The following ZDHHC2 variants were observed in gnomAD, a reference collection of about 807,000 sequenced individuals.
ZDHHC2 encodes palmitoyltransferase ZDHHC2.
In ZDHHC2, 51 loss-of-function variants were observed where a neutral mutation model predicts 55.6. The ratio of observed to expected loss-of-function variants is 0.92; its 90% confidence interval spans 0.73 to 1.16. The LOEUF is 1.16. ZDHHC2 is among the 50% of genes most tolerant of loss of function. ZDHHC2 has a pLI of 0.00. For synonymous variants in ZDHHC2, 199 were observed against 152.9 expected, an observed-to-expected ratio of 1.30 and a Z score of -2.22; for missense variants, 491 against 442.4, an observed-to-expected ratio of 1.11 and a Z score of -0.99.
intron 6 of ZDHHC2, 62 bp from the exon 7 acceptor site, chr8:17,205,593 G>A: frequency 6.7e-7 from 1 of 1,482,408 alleles, no homozygotes. Flanking sequence ...ACTTGCTTGA[G>A]CATATGCACA....
intron 1 of ZDHHC2, among the ~76,000 whole-genome samples, chr8:17,164,453 C>T (rs1387113732): frequency 6.6e-6 from 1 of 151,996 alleles, no homozygotes; most frequent in African/African-American, 2.4e-5. Flanking sequence ...TTCCTGGTAT[C>T]CTGAAGTTTC....
At chr8:17,192,243 C>T (rs986362963) in intron 3 of ZDHHC2, among the ~76,000 whole-genome samples, 8 of 152,196 alleles carry the variant, frequency 5.3e-5, no homozygotes, top group Admixed American at 3.3e-4. Context: ...GCTTTGGCCT[C>T]CCAAAGTGCT....
chr8:17,206,040 G>C (rs1278974650), intron 7 of ZDHHC2, among the ~76,000 whole-genome samples: 1 of 152,146 alleles, frequency 6.6e-6, no homozygotes, highest in African/African-American at 2.4e-5. Context: ...TCCCAGTTGA[G>C]GTTGAACAAG....
chr8:17,189,250 C>G (rs185010619), intron 3 of ZDHHC2, among the ~76,000 whole-genome samples: 281 of 150,212 alleles, frequency 1.9e-3, no homozygotes, highest in Middle Eastern at 6.8e-3. Flanking sequence ...GGTACCTTAT[C>G]ATTGAGGCTG....
intron 1 of ZDHHC2, among the ~76,000 whole-genome samples, chr8:17,183,378 G>T (rs1463067381): frequency 1.3e-5 from 2 of 152,184 alleles, no homozygotes; most frequent in South Asian, 4.1e-4. Context: ...AAACAGGCTT[G>T]CCTCAAGCCT....
At chr8:17,199,391 C>G (rs1431117000) in intron 6 of ZDHHC2, among the ~76,000 whole-genome samples, 1 of 149,948 alleles carries the variant, frequency 6.7e-6, no homozygotes, top group African/African-American at 2.5e-5. Flanking sequence ...CATTCTTTTG[C>G]CCCCCTGCCC....
rs562679173 is a variant in ZDHHC2 at position 17,217,478 on chromosome 8, A to G, written c.*34+232A>G. Among the ~76,000 whole-genome samples, 3 of 152,322 alleles carry G rather than the reference A, an allele frequency of 2.0e-5. 1 individual carries two copies. The South Asian group carries it at 6.2e-4, about 32-fold the overall frequency. On this transcript the variant is annotated intron_variant, in intron 12 of 12. Coordinates refer to ENST00000262096, the MANE Select transcript of ZDHHC2 (RefSeq NM_016353.5). ...TAATTATATAAATAAGTTGATGAAC[A>G]AGAGTCATTTTATATTAATGCATTA... is the stretch of plus-strand genomic sequence containing the variant.
At chr8:17,203,292 G>T (rs1361517863) in intron 6 of ZDHHC2, among the ~76,000 whole-genome samples, 2 of 152,018 alleles carry the variant, frequency 1.3e-5, no homozygotes, top group African/African-American at 2.4e-5. Context: ...TGTCGCCCAG[G>T]CTGGAGTGCA....
intron 11 of ZDHHC2, among the ~76,000 whole-genome samples, chr8:17,216,518 C>G (rs1423620049): frequency 6.6e-6 from 1 of 152,114 alleles, no homozygotes; most frequent in African/African-American, 2.4e-5. Flanking sequence ...GTTGATGACA[C>G]TGATTTGTTC....
chr8:17,163,065 G>A (rs1372460109), intron 1 of ZDHHC2, among the ~76,000 whole-genome samples: 2 of 152,204 alleles, frequency 1.3e-5, no homozygotes, highest in African/African-American at 2.4e-5. Context: ...TCTGTCCAGG[G>A]CCTGTGACCT....
chr8:17,172,534 C>G (rs1421633945), intron 1 of ZDHHC2, among the ~76,000 whole-genome samples: 1 of 152,154 alleles, frequency 6.6e-6, no homozygotes, highest in Non-Finnish European at 1.5e-5. Context: ...CTATACTCAA[C>G]CATACGGTAT....
At chr8:17,186,447 A>G (rs1345163675) in intron 3 of ZDHHC2, 22 bp downstream of exon 3, 1 of 1,350,334 alleles carries the variant, frequency 7.4e-7, no homozygotes, top group Non-Finnish European at 1.0e-6. Context: ...TATTAACGAA[A>G]TTATTCTAAT....
chr8:17,202,142 T>A (rs887922230), intron 6 of ZDHHC2, among the ~76,000 whole-genome samples: 3 of 152,236 alleles, frequency 2.0e-5, no homozygotes, highest in Non-Finnish European at 1.5e-5. Flanking sequence ...AGCTTCAGTT[T>A]ATTGAGTGCC....
chr8:17,217,178 G>A lies in ZDHHC2; in HGVS notation c.1070G>A (p.Ser357Asn), dbSNP rs776861405. 2.5e-6 allele frequency: 4 copies of A among 1,611,452 alleles called. No homozygotes were observed. Among genetic ancestry groups the A allele is most frequent in the Non-Finnish European group, 3.4e-6 (4 of 1,178,614 alleles). The change falls in exon 12 of 13, where the codon AGC becomes AAC. Residue 357 changes from serine (S) to asparagine (N), a missense_variant. By Grantham distance (46) the Ser-to-Asn change is conservative. Transcript: ENST00000262096. The part of the protein sequence containing the change: ...INPGKCKAGM[S>N]NPALTMENET ...CTTATGTGCTTTCATTAAGGTATGA[G>A]CAATCCTGCATTAACCATGGAAAAT...
intron 6 of ZDHHC2, among the ~76,000 whole-genome samples, chr8:17,203,204 C>T (rs373569563): frequency 5.3e-5 from 8 of 151,560 alleles, no homozygotes; most frequent in South Asian, 2.1e-4. Context: ...GGATTACAGA[C>T]GTGCACCACC....
chr8:17,175,021 C>G lies in ZDHHC2; in HGVS notation c.131-9768C>G, dbSNP rs560217729. 2.6e-5 allele frequency among the ~76,000 whole-genome samples: 4 copies of G among 152,252 alleles called. No homozygotes were observed. The East Asian group carries it at 7.7e-4, about 29-fold the overall frequency. ...GGATTACAGATGTGAGCCACCGCAC[C>G]CAGTCACATTGTGCTATTCTTCAGG... On this transcript the variant is annotated intron_variant, in intron 1 of 12. Transcript: ENST00000262096.
intron 7 of ZDHHC2, 23 bp downstream of exon 7, chr8:17,205,798 C>G (rs751500509): frequency 1.9e-6 from 3 of 1,579,928 alleles, no homozygotes; most frequent in African/African-American, 1.4e-5. Context: ...CTTGGTAACT[C>G]TTTTTTTGGT....
chr8:17,156,628 G>A lies in ZDHHC2; in HGVS notation c.-96G>A, dbSNP rs545389444. ...CGCAGCGCACCCCGCCGCCGCCCAG[G>A]AGCCCGTCCAGCCAGGGGTGCCGGG... On this transcript the variant is annotated 5_prime_UTR_variant, in exon 1 of 13. Coordinates refer to ENST00000262096, the MANE Select transcript of ZDHHC2 (RefSeq NM_016353.5). 64 of 1,001,574 alleles carry A rather than the reference G, an allele frequency of 6.4e-5. No homozygotes were observed. The highest frequency in any genetic ancestry group is 7.8e-5 in the Non-Finnish European group (64 of 824,290). 62.0% of individuals were successfully genotyped at this position (1,001,574 alleles called of 1,614,324 possible).
At chr8:17,202,987 G>A (rs1239132256) in intron 6 of ZDHHC2, among the ~76,000 whole-genome samples, 3 of 150,982 alleles carry the variant, frequency 2.0e-5, no homozygotes, top group African/African-American at 7.3e-5. Context: ...CCTTCAGGAA[G>A]AGAAACAATC....
Sources: allele counts gnomAD v4.1 joint callset (sites outside exome capture counted in the v4.1 genomes callset), GRCh38; gene constraint gnomAD v4.1.1; transcripts MANE v1.5; gene names NCBI Gene and HGNC (gene_info 2026-07-23, HGNC 2026-07-21).